Variants in NSMCE2 observed in about 807,000 individuals in gnomAD.
NSMCE2 encodes the protein E3 SUMO-protein ligase NSE2.
In NSMCE2, 24 loss-of-function variants were observed where a neutral mutation model predicts 23.8. The observed-to-expected ratio is 1.01, with a 90% CI of 0.73 to 1.42. The LOEUF (loss-of-function observed/expected upper bound fraction) is 1.42. Ranked by LOEUF, NSMCE2 falls within the 40% of genes most tolerant of loss-of-function variation. NSMCE2 has a pLI of 0.00. For missense variants in NSMCE2, 284 were observed against 296.5 expected, an observed-to-expected ratio of 0.96 and a Z score of 0.31; for synonymous variants, 92 against 94.1, an observed-to-expected ratio of 0.98 and a Z score of 0.13.
chr8:125,218,533 TC>T (rs1259123390), intron 5 of NSMCE2, among the ~76,000 whole-genome samples: 1 of 151,630 alleles, frequency 6.6e-6, no homozygotes, highest in Non-Finnish European at 1.5e-5. Flanking sequence ...TGCCTCAGCC[TC>T]CCGAGTAGCT....
chr8:125,299,129 A>G (rs1318536291), intron 5 of NSMCE2, among the ~76,000 whole-genome samples: 1 of 152,184 alleles, frequency 6.6e-6, no homozygotes, highest in Non-Finnish European at 1.5e-5. Flanking sequence ...CCTTTGAAGT[A>G]TTTTTATAGC....
rs1372362336 is a variant in NSMCE2 at position 125,363,638 on chromosome 8, AGAG to A, written c.627-3129_627-3127del. 3.1e-4 allele frequency among the ~76,000 whole-genome samples: 36 copies of A among 116,608 alleles called. No individual in the cohort carries two copies. In the South Asian group the frequency reaches 5.0e-3, roughly 16 times the overall value. The allele number at this position is 116,608 out of a possible 152,430, so 76.5% of individuals were successfully genotyped here. On this transcript the variant is annotated intron_variant, in intron 7 of 7. Transcript: ENST00000287437. ...GAGGGAAGGAAAGAAGGAAGGAAGAAGAGAGGAGGAGGAAGGAGAAGAGAGGAG... is the reference window on the plus strand; with the variant it reads ...GAGGGAAGGAAAGAAGGAAGGAAGAAAGGAGGAGGAAGGAGAAGAGAGGAG...
At chr8:125,247,914 T>C (rs1165602628) in intron 5 of NSMCE2, among the ~76,000 whole-genome samples, 1 of 152,142 alleles carries the variant, frequency 6.6e-6, no homozygotes, top group Non-Finnish European at 1.5e-5. Context: ...GTGACCACTT[T>C]CCTTGTGAAA....
At chr8:125,253,989 G>C (rs1375947405) in intron 5 of NSMCE2, among the ~76,000 whole-genome samples, 1 of 152,088 alleles carries the variant, frequency 6.6e-6, no homozygotes, top group Non-Finnish European at 1.5e-5. Flanking sequence ...CTTCTCAAAA[G>C]GCCTAGAAGA....
chr8:125,283,379 A>G (rs1022168637), intron 5 of NSMCE2, among the ~76,000 whole-genome samples: 5 of 152,090 alleles, frequency 3.3e-5, no homozygotes, highest in Admixed American at 2.0e-4. Flanking sequence ...GAAACCCCGC[A>G]TATACAAAAA....
intron 5 of NSMCE2, among the ~76,000 whole-genome samples, chr8:125,271,587 A>C (rs1012613235): frequency 6.6e-6 from 1 of 152,200 alleles, no homozygotes; most frequent in Non-Finnish European, 1.5e-5. Flanking sequence ...CATGACTCCT[A>C]GCTGTTCATC....
At chr8:125,246,834 AGT>A (rs960602574) in intron 5 of NSMCE2, among the ~76,000 whole-genome samples, 9 of 152,190 alleles carry the variant, frequency 5.9e-5, no homozygotes, top group Non-Finnish European at 1.3e-4. Flanking sequence ...ATTATGAAAT[AGT>A]CACCACAATC....
intron 3 of NSMCE2, among the ~76,000 whole-genome samples, chr8:125,104,224 A>C (rs1415464653): frequency 6.6e-6 from 1 of 152,122 alleles, no homozygotes; most frequent in Non-Finnish European, 1.5e-5. Flanking sequence ...TCCCAACCTC[A>C]GGTAATCCGC....
intron 2 of NSMCE2, 45 bp from the exon 3 acceptor site, chr8:125,102,272 T>G (rs954976622): frequency 1.5e-6 from 2 of 1,293,132 alleles, no homozygotes; most frequent in Non-Finnish European, 2.2e-6. Context: ...TGTGCAGTTA[T>G]TATTCTGACT....
chr8:125,243,682 A>G (rs1332154528), intron 5 of NSMCE2, among the ~76,000 whole-genome samples: 2 of 152,182 alleles, frequency 1.3e-5, no homozygotes, highest in South Asian at 2.1e-4. Context: ...ATAAAGAACT[A>G]TAAGCATCCA....
chr8:125,281,540 A>G (rs1407707920), intron 5 of NSMCE2, among the ~76,000 whole-genome samples: 1 of 152,006 alleles, frequency 6.6e-6, no homozygotes, highest in Non-Finnish European at 1.5e-5. Flanking sequence ...CCCGGGTTCA[A>G]CCGATTCTCT....
chr8:125,239,988 GT>G (rs1256148194), intron 5 of NSMCE2, among the ~76,000 whole-genome samples: 1 of 152,130 alleles, frequency 6.6e-6, no homozygotes, highest in African/African-American at 2.4e-5. Context: ...GTCAGCCTTT[GT>G]TTTCTCTTTC....
intron 3 of NSMCE2, among the ~76,000 whole-genome samples, chr8:125,103,087 G>A (rs1433431607): frequency 6.6e-6 from 1 of 152,056 alleles, no homozygotes. Flanking sequence ...CCAATATGGT[G>A]AAACCCCGTC....
chr8:125,344,085 C>T (rs569544241), intron 5 of NSMCE2, among the ~76,000 whole-genome samples: 53 of 152,228 alleles, frequency 3.5e-4, no homozygotes, highest in African/African-American at 1.3e-3. Flanking sequence ...GGTGTCATAG[C>T]CCCATCTTAC....
chr8:125,299,830 T>TTTTTTTTTTC (rs1828483617), intron 5 of NSMCE2, among the ~76,000 whole-genome samples: 1 of 134,726 alleles, frequency 7.4e-6, no homozygotes, highest in South Asian at 2.4e-4. Flanking sequence ...TTTTTTTTTT[T>TTTTTTTTTTC]TGTCTTGAGA....
chr8:125,137,738 A>G (rs1010857635), intron 3 of NSMCE2, among the ~76,000 whole-genome samples: 4 of 152,206 alleles, frequency 2.6e-5, no homozygotes, highest in Non-Finnish European at 5.9e-5. Context: ...CTGTTATTTA[A>G]TAGGTCCTGA....
At chr8:125,161,147 C>G (rs189534292) in intron 4 of NSMCE2, among the ~76,000 whole-genome samples, 22 of 152,244 alleles carry the variant, frequency 1.4e-4, no homozygotes, top group Middle Eastern at 3.4e-3. Flanking sequence ...GTGAACTGTC[C>G]TTGGGAGAAT....
At chr8:125,216,575 G>A (rs952543563) in intron 5 of NSMCE2, among the ~76,000 whole-genome samples, 6 of 151,652 alleles carry the variant, frequency 4.0e-5, no homozygotes, top group Non-Finnish European at 7.4e-5. Flanking sequence ...CGGAGGTTGC[G>A]GTGATCCGAG....
chr8:125,306,394 A>T lies in NSMCE2; in HGVS notation c.419-50825A>T, dbSNP rs573706052. ...AAACTGAGCAACAGCTGTTTTCACCACTCATTGTCCCATCTTGGGCCTTAC... is the reference window on the plus strand; with the variant it reads ...AAACTGAGCAACAGCTGTTTTCACCTCTCATTGTCCCATCTTGGGCCTTAC... On this transcript the variant is annotated intron_variant, in intron 5 of 7. Transcript: ENST00000287437. Among the ~76,000 whole-genome samples the T allele has an allele frequency of 1.5e-4, 22 of 150,850 alleles. No individual in the cohort carries two copies. In the South Asian group the frequency reaches 1.5e-3, roughly 10 times the overall value.
Sources: allele counts gnomAD v4.1 joint callset (sites outside exome capture counted in the v4.1 genomes callset), GRCh38; gene constraint gnomAD v4.1.1; transcripts MANE v1.5; gene names NCBI Gene and HGNC (gene_info 2026-07-23, HGNC 2026-07-21).